Variants in C2orf68 observed in about 807,000 individuals in gnomAD.
The protein encoded by C2orf68 is chromosome 2 open reading frame 68, also known as UPF0561 protein C2orf68.
In C2orf68, 15 loss-of-function variants were observed where a neutral mutation model predicts 19.1. The ratio of observed to expected loss-of-function variants is 0.79; its 90% CI spans 0.53 to 1.21. The LOEUF (loss-of-function observed/expected upper bound fraction) is 1.21. Ranked by LOEUF, C2orf68 falls within the 50% of genes most tolerant of loss-of-function variation. The probability of loss-of-function intolerance (pLI) is 0.00; values close to 1 mark genes in which losing one functional copy is unlikely to be tolerated. For missense variants in C2orf68, 242 were observed against 226.6 expected, an observed-to-expected ratio of 1.07 and a Z score of -0.44; for synonymous variants, 98 against 91.0, an observed-to-expected ratio of 1.08 and a Z score of -0.44.
At position 85,608,973 on chromosome 2, in the gene C2orf68, T is replaced by C. The variant is rs374124839; in HGVS notation, c.473A>G (p.Glu158Gly). ...REALKLRIQE[E>G]IAKRQSQH is the part of the protein sequence containing the mutation. ...GTGTTGGCTCTGGCGCTTTGCAATC[T>C]CCTCCTGGATACGCAACTTGAGGGC... The change falls in exon 4 of 4, where the codon GAG becomes GGG. Residue 158 changes from glutamate (E) to glycine (G), a missense_variant. By Grantham distance (98) the Glu-to-Gly change is moderately conservative. Transcript: ENST00000306336. The C allele has an allele frequency of 3.7e-6, 6 of 1,614,060 alleles. No homozygotes were observed. Among genetic ancestry groups the C allele is most frequent in the Non-Finnish European group, 5.1e-6 (6 of 1,180,048 alleles).
intron 3 of C2orf68, among the ~76,000 whole-genome samples, 170 bp downstream of exon 3, chr2:85,609,265 T>C (rs541264911): frequency 9.2e-5 from 14 of 152,206 alleles, no homozygotes; most frequent in Admixed American, 2.6e-4. Flanking sequence ...TGAGAATCAC[T>C]GTGAGATGGG....
chr2:85,607,224 C>T lies in C2orf68; in HGVS notation c.*1721G>A, dbSNP rs1301114165. ...CAGACTTGCAGTGAAATCCTATGTT[C>T]CAAGTCATCAGATCAGTTTAAGGAC... On this transcript the variant is annotated 3_prime_UTR_variant, in exon 4 of 4. Coordinates refer to ENST00000306336, the MANE Select transcript of C2orf68 (RefSeq NM_001013649.4). The T allele has an allele frequency of 6.6e-6, 1 of 152,148 alleles. No individual in the cohort carries two copies. The highest frequency in any genetic ancestry group is 1.5e-5 in the Non-Finnish European group (1 of 68,028). 9.4% of individuals were successfully genotyped at this position (152,148 alleles called of 1,614,324 possible).
rs752836689 is a variant in C2orf68, at chr2:85,612,035, C to A, written c.-51G>T. On this transcript the variant is annotated 5_prime_UTR_variant, in exon 1 of 4. Transcript: ENST00000306336. ...GCCGCCTCGACGGCCCCAACAACAG[C>A]CACCCGCCCACAGAGCTCCGCGCCG... 2.3e-6 allele frequency: 3 copies of A among 1,310,368 alleles called. No homozygotes were observed. The South Asian group carries it at 4.4e-5, about 19-fold the overall frequency. The allele number at this position is 1,310,368 out of a possible 1,614,324, so 81.2% of individuals were successfully genotyped here.
chr2:85,607,725 C>G lies in C2orf68; in HGVS notation c.*1220G>C, dbSNP rs1673268965. ...AAGGGCCTATGGTTTCAGGAAATCT[C>G]AGTTCTCAAAGGCTTAAAGCCATAT... On this transcript the variant is annotated 3_prime_UTR_variant, in exon 4 of 4. Coordinates refer to ENST00000306336, the MANE Select transcript of C2orf68 (RefSeq NM_001013649.4). 1.3e-5 allele frequency: 2 copies of G among 152,202 alleles called. No individual in the cohort carries two copies. The highest frequency in any genetic ancestry group is 4.1e-4 in the South Asian group (2 of 4,830). The allele number at this position is 152,202 out of a possible 1,614,324, so 9.4% of individuals were successfully genotyped here. A position where few individuals can be genotyped will look rare whatever the true frequency, so the allele number is the denominator to read the frequency against.
At chr2:85,611,560 G>A (rs1306414909) in intron 2 of C2orf68, 108 bp downstream of exon 2, 1 of 1,551,098 alleles carries the variant, frequency 6.4e-7, no homozygotes, top group South Asian at 1.2e-5. Flanking sequence ...GGAAAGAGAC[G>A]AGATGAGCTG....
chr2:85,605,425 TCTC>T lies in C2orf68; in HGVS notation c.*3517_*3519del, dbSNP rs1240748486. 2.0e-5 allele frequency among the ~76,000 whole-genome samples: 3 copies of T among 152,144 alleles called. No homozygotes were observed. The highest frequency in any genetic ancestry group is 4.4e-5 in the Non-Finnish European group (3 of 68,030). ...TACATTTAACACAACCAGTGCAAATTCTCCTGCCTCTGAGAAGGCAGAGAAGCC... is the reference window on the plus strand; with the variant it reads ...TACATTTAACACAACCAGTGCAAATTCTGCCTCTGAGAAGGCAGAGAAGCC... On this transcript the variant is annotated 3_prime_UTR_variant, in exon 4 of 4. Coordinates refer to ENST00000306336, the MANE Select transcript of C2orf68 (RefSeq NM_001013649.4).
At position 85,611,942 on chromosome 2, in the gene C2orf68, G is replaced by A. The variant is rs752471581; in HGVS notation, c.43C>T (p.Pro15Ser). 1.3e-6 allele frequency: 2 copies of A among 1,581,806 alleles called. No homozygotes were observed. Among genetic ancestry groups the A allele is most frequent in the South Asian group, 1.1e-5 (1 of 89,732 alleles). Residue 15 changes from proline (P) to serine (S), a missense_variant, in exon 1 of 4, where the codon CCT becomes TCT. Coordinates refer to ENST00000306336, the MANE Select transcript of C2orf68 (RefSeq NM_001013649.4). ...TGGTTCATGTCCAGCCGCCCCCCAGGCTTGCAGCAGTGCCCCGGCCGGGGA... is the reference window on the plus strand; with the variant it reads ...TGGTTCATGTCCAGCCGCCCCCCAGACTTGCAGCAGTGCCCCGGCCGGGGA... ...PHPRPGHCCK[P>S]GGRLDMNHGF...
chr2:85,606,851 G>C lies in C2orf68; in HGVS notation c.*2094C>G, dbSNP rs575856517. On this transcript the variant is annotated 3_prime_UTR_variant, in exon 4 of 4. Coordinates refer to ENST00000306336, the MANE Select transcript of C2orf68 (RefSeq NM_001013649.4). Reference sequence around the variant, plus strand: ...GCCTGAAGTGCAGTGGTGTGATCTCGGCTCACTGCAACCTCCGCCTTCCAG... The same window carrying C: ...GCCTGAAGTGCAGTGGTGTGATCTCCGCTCACTGCAACCTCCGCCTTCCAG... 6.7e-6 allele frequency: 1 copy of C among 148,664 alleles called. No homozygotes were observed. The highest frequency in any genetic ancestry group is 6.7e-5 in the Admixed American group (1 of 14,844). The allele number at this position is 148,664 out of a possible 1,614,324, so 9.2% of individuals were successfully genotyped here.
intron 2 of C2orf68, chr2:85,611,202 T>C (rs1270206194): frequency 1.7e-6 from 2 of 1,168,882 alleles, no homozygotes; most frequent in African/African-American, 3.3e-5. Context: ...AGACCTAGTC[T>C]CAAAAATAAA....
At position 85,611,684 on chromosome 2, in the gene C2orf68, G is replaced by A. The variant is rs776044013; in HGVS notation, c.210C>T (p.Tyr70=). The change falls in exon 2 of 4, where the codon TAC becomes TAT. Residue 70 remains tyrosine (Y), a synonymous_variant. Coordinates refer to ENST00000306336, the MANE Select transcript of C2orf68 (RefSeq NM_001013649.4). ...TRPRKPDLQV[Y]LPRHRDVSAH... is the part of the protein sequence containing the mutation. ...CGGCCTCACCTCGGTGTCGCGGCAGGTACACCTGCAGGTCTGGCTTGCGGG... is the reference window on the plus strand; with the variant it reads ...CGGCCTCACCTCGGTGTCGCGGCAGATACACCTGCAGGTCTGGCTTGCGGG... The A allele has an allele frequency of 1.3e-5, 20 of 1,570,984 alleles. No homozygotes were observed. Among genetic ancestry groups the A allele is most frequent in the African/African-American group, 1.4e-5 (1 of 74,022 alleles).
In C2orf68 at chr2:85,609,088, A is replaced by G. The variant is rs569335915; in HGVS notation, c.379-21T>C. ...TCACCCTACGTGGAGGAAGAGTCAG[A>G]AGGCTCAGGGCCTGGCCTCTTCCAG... On this transcript the variant is annotated intron_variant, in intron 3 of 3. Coordinates refer to ENST00000306336, the MANE Select transcript of C2orf68 (RefSeq NM_001013649.4). The G allele has an allele frequency of 1.5e-5, 25 of 1,613,594 alleles. No individual in the cohort carries two copies. In the African/African-American group the frequency reaches 3.1e-4, roughly 20 times the overall value.
At chr2:85,611,614 G>C in intron 2 of C2orf68, 54 bp downstream of exon 2, 6 of 1,558,310 alleles carry the variant, frequency 3.9e-6, no homozygotes, top group Non-Finnish European at 5.2e-6. Flanking sequence ...GAGAAGGGGA[G>C]TGCGTTGCAG....
intron 2 of C2orf68, 152 bp from the exon 3 acceptor site, chr2:85,609,738 GT>G (rs1673384694): frequency 9.7e-7 from 1 of 1,026,664 alleles, no homozygotes; most frequent in Admixed American, 2.8e-5. Flanking sequence ...CTGGAGTGCA[GT>G]GGTGCAATCT....
rs1001112481 is a variant in C2orf68 at position 85,606,264 on chromosome 2, G to A, written c.*2681C>T. 6.6e-6 allele frequency among the ~76,000 whole-genome samples: 1 copy of A among 152,214 alleles called. No individual in the cohort carries two copies. Among genetic ancestry groups the A allele is most frequent in the African/African-American group, 2.4e-5 (1 of 41,450 alleles). ...GCTGGGATGTTCCACTTAGTCTAAT[G>A]CTGTTGCCACTGTACGCCACAGCAC... On this transcript the variant is annotated 3_prime_UTR_variant, in exon 4 of 4. Transcript: ENST00000306336.
In C2orf68 at chr2:85,608,406, G is replaced by A. The variant is rs1373057117; in HGVS notation, c.*539C>T. The stretch of plus-strand genomic sequence containing the variant: ...CCCACCTCCAAAGTCCTGAGCAGCT[G>A]GAGGTACACAGTCATTTGGAGGGGG... On this transcript the variant is annotated 3_prime_UTR_variant, in exon 4 of 4. Coordinates refer to ENST00000306336, the MANE Select transcript of C2orf68 (RefSeq NM_001013649.4). 2.6e-5 allele frequency: 4 copies of A among 152,108 alleles called. No homozygotes were observed. The highest frequency in any genetic ancestry group is 9.7e-5 in the African/African-American group (4 of 41,382). 9.4% of individuals were successfully genotyped at this position (152,108 alleles called of 1,614,324 possible).
intron 2 of C2orf68, 83 bp from the exon 3 acceptor site, chr2:85,609,669 C>A: frequency 6.5e-7 from 1 of 1,529,330 alleles, no homozygotes; most frequent in Non-Finnish European, 8.9e-7. Flanking sequence ...GGAAAATATA[C>A]GGTTAGGAAA....
In C2orf68 at chr2:85,607,003, TG is replaced by T. The variant is rs1313600598; in HGVS notation, c.*1941del. 6.6e-6 allele frequency: 1 copy of T among 152,002 alleles called. No individual in the cohort carries two copies. The highest frequency in any genetic ancestry group is 2.4e-5 in the African/African-American group (1 of 41,384). 9.4% of individuals were successfully genotyped at this position (152,002 alleles called of 1,614,324 possible). On this transcript the variant is annotated 3_prime_UTR_variant, in exon 4 of 4. Transcript: ENST00000306336. The stretch of plus-strand genomic sequence containing the variant: ...GGTTTCTGTGTTAGCCAGGACGGTC[TG>T]GATCTCCTGATTTCATGATCCGCCC...
chr2:85,611,271 C>A, intron 2 of C2orf68: 3 of 1,404,448 alleles, frequency 2.1e-6, no homozygotes, highest in Non-Finnish European at 2.8e-6. Flanking sequence ...CATATATTAA[C>A]CAGTGTGATC....
Position 85,611,970 on chromosome 2 carries a change from C to T in C2orf68, c.15G>A (p.Pro5=), listed in dbSNP as rs779179161. MEAG[P]HPRPGHCCKP... is the part of the protein sequence containing the mutation. ...TGCAGCAGTGCCCCGGCCGGGGATG[C>T]GGCCCCGCCTCCATCAGGAGCCGGG... The change falls in exon 1 of 4, where the codon CCG becomes CCA. Residue 5 remains proline, a synonymous_variant. Coordinates refer to ENST00000306336, the MANE Select transcript of C2orf68 (RefSeq NM_001013649.4). 2.0e-6 allele frequency: 3 copies of T among 1,522,402 alleles called. No homozygotes were observed. Among genetic ancestry groups the T allele is most frequent in the South Asian group, 1.2e-5 (1 of 81,208 alleles). The allele number at this position is 1,522,402 out of a possible 1,614,324, so 94.3% of individuals were successfully genotyped here. A position where few individuals can be genotyped will look rare whatever the true frequency, so the allele number is the denominator to read the frequency against.
Sources: allele counts gnomAD v4.1 joint callset (sites outside exome capture counted in the v4.1 genomes callset), GRCh38; gene constraint gnomAD v4.1.1; transcripts MANE v1.5; gene names NCBI Gene and HGNC (gene_info 2026-07-23, HGNC 2026-07-21).